NRK: variants seen among roughly 807,000 people sequenced by gnomAD.
NRK encodes nik-related protein kinase.
In NRK, 67 loss-of-function variants were observed where a neutral mutation model predicts 125.2. The observed-to-expected ratio is 0.54, with a 90% CI of 0.44 to 0.66. The LOEUF is 0.66. Among genes scored for constraint, NRK ranks in the 30% least tolerant of loss-of-function variants. The pLI is 0.00. For synonymous variants in NRK, 458 were observed against 429.0 expected (o/e 1.07, Z -0.84); for missense variants, 1,224 against 1,192.9 (o/e 1.03, Z -0.38).
At chrX:105,836,049 A>G (rs2039261256) in intron 2 of NRK, among the ~76,000 whole-genome samples, 1 of 112,100 alleles carries the variant, frequency 8.9e-6, no homozygotes, top group African/African-American at 3.2e-5. Context: ...TCTTCCCTCT[A>G]CAGCCACAGG....
intron 2 of NRK, among the ~76,000 whole-genome samples, chrX:105,864,481 T>G (rs1299871432): frequency 8.9e-6 from 1 of 111,756 alleles, no homozygotes; most frequent in African/African-American, 3.2e-5. Flanking sequence ...AGAAATCAGA[T>G]CTTTCCAGAA....
At chrX:105,837,656 C>T (rs1310621578) in intron 2 of NRK, among the ~76,000 whole-genome samples, 3 of 111,186 alleles carry the variant, frequency 2.7e-5, no homozygotes, top group Non-Finnish European at 5.7e-5. Context: ...ATTTTTCTCT[C>T]TTTTTAGGAG....
chrX:105,899,592 G>T (rs770631612), intron 8 of NRK, among the ~76,000 whole-genome samples: 1 of 111,869 alleles, frequency 8.9e-6, no homozygotes, highest in African/African-American at 3.3e-5. Context: ...ACTTTTTGCA[G>T]TCTTCCAAGG....
intron 2 of NRK, among the ~76,000 whole-genome samples, chrX:105,877,883 C>T (rs1404658577): frequency 9.0e-6 from 1 of 110,877 alleles, no homozygotes; most frequent in Non-Finnish European, 1.9e-5. Context: ...TGGTTGGAAT[C>T]TTTTAATGAC....
At chrX:105,918,455 C>T (rs894659351) in intron 16 of NRK, among the ~76,000 whole-genome samples, 1 of 111,169 alleles carries the variant, frequency 9.0e-6, no homozygotes, top group Middle Eastern at 4.7e-3. Flanking sequence ...AGATGTACTT[C>T]ACTTTTTGAA....
At chrX:105,830,519 G>A (rs2039176673) in intron 1 of NRK, among the ~76,000 whole-genome samples, 1 of 109,392 alleles carries the variant, frequency 9.1e-6, no homozygotes, top group African/African-American at 3.3e-5. Context: ...TCTTTTTTAT[G>A]AATGAGTATA....
chrX:105,877,117 T>A (rs1602631467), intron 2 of NRK, among the ~76,000 whole-genome samples: 1 of 111,973 alleles, frequency 8.9e-6, no homozygotes, highest in African/African-American at 3.2e-5. Context: ...TATGATGTGA[T>A]GAAAAGGGCA....
chrX:105,897,243 C>T (rs185520363), intron 7 of NRK, among the ~76,000 whole-genome samples: 1 of 112,398 alleles, frequency 8.9e-6, no homozygotes, highest in Non-Finnish European at 1.9e-5. Context: ...ATATTTTGCA[C>T]TTAATTCTTT....
Position 105,945,933 on chromosome X carries a change from G to A in NRK, c.4121G>A (p.Arg1374Gln), listed in dbSNP as rs2040806193. ...GDYMSYQAYI[R>Q]ILAKIQAADP... ...TACATGTCCTATCAAGCCTATATACGAATACTGGCAAAAATACAGGCAGCT... is the reference window on the plus strand; with the variant it reads ...TACATGTCCTATCAAGCCTATATACAAATACTGGCAAAAATACAGGCAGCT... Residue 1374 changes from arginine to glutamine, a missense_variant, in exon 25 of 29, where the codon CGA becomes CAA. By Grantham distance (43) the Arg-to-Gln change is conservative (BLOSUM62 1). Transcript: ENST00000243300. The A allele has an allele frequency of 5.0e-6, 6 of 1,205,700 alleles. No homozygotes were observed. The highest frequency in any genetic ancestry group is 3.0e-5 in the East Asian group (1 of 33,728).
At chrX:105,921,855 C>A (rs1249202380) in intron 16 of NRK, 109 bp from the exon 17 acceptor site, 13 of 339,003 alleles carry the variant, frequency 3.8e-5, no homozygotes, top group African/African-American at 3.1e-4. Context: ...TAAAAATGAC[C>A]AAGAAAAAAA....
At position 105,949,792 on chromosome X, in the gene NRK, A is replaced by AAGTGTCCT. The variant is rs1409388392; in HGVS notation, c.4513+60_4513+67dup. The AAGTGTCCT allele has an allele frequency of 3.9e-6, 3 of 775,147 alleles. No homozygotes were observed. The East Asian group carries it at 1.0e-4, about 27-fold the overall frequency. The allele number at this position is 775,147 out of a possible 1,213,427, so 63.9% of individuals were successfully genotyped here. On this transcript the variant is annotated intron_variant, in intron 27 of 28. Transcript: ENST00000243300. ...CCAGAGAAAATTTACAAGGGTAAAA[A>AAGTGTCCT]AGTGTCCTAAGAAAAGATTTCCTGA...
intron 16 of NRK, among the ~76,000 whole-genome samples, chrX:105,918,885 A>G (rs964090396): frequency 9.3e-6 from 1 of 108,011 alleles, no homozygotes; most frequent in African/African-American, 3.4e-5. Flanking sequence ...TATATGCTTC[A>G]TTATGGAGGA....
chrX:105,896,713 C>T (rs777744310), intron 7 of NRK, among the ~76,000 whole-genome samples: 9 of 110,486 alleles, frequency 8.1e-5, no homozygotes, highest in East Asian at 2.9e-4. Flanking sequence ...CATGGTGGTG[C>T]GCACCTGTGG....
At chrX:105,836,404 A>G (rs187309046) in intron 2 of NRK, among the ~76,000 whole-genome samples, 52 of 111,803 alleles carry the variant, frequency 4.7e-4, no homozygotes, top group African/African-American at 1.6e-3. Context: ...TCCAAGTACA[A>G]ACTTCCTTGT....
In NRK at chrX:105,845,923, G is replaced by GA. The variant is rs774196661; in HGVS notation, c.123+14811dup. On this transcript the variant is annotated intron_variant, in intron 2 of 28. Transcript: ENST00000243300. ...TCTCCTCATTGAGGGGCTGGGTCAA[G>GA]AAAAAAAGAAGAGTTTTCTCCTTGA... Among the ~76,000 whole-genome samples the GA allele has an allele frequency of 6.3e-5, 7 of 111,170 alleles. No individual in the cohort carries two copies. The East Asian group carries it at 2.0e-3, about 32-fold the overall frequency.
intron 2 of NRK, among the ~76,000 whole-genome samples, chrX:105,864,813 G>C (rs1449764272): frequency 9.0e-6 from 1 of 111,011 alleles, no homozygotes; most frequent in Non-Finnish European, 1.9e-5. Flanking sequence ...AGGCAAAAAG[G>C]ATTAATCAGA....
At chrX:105,902,198 A>C (rs2040167390) in intron 9 of NRK, among the ~76,000 whole-genome samples, 2 of 110,424 alleles carry the variant, frequency 1.8e-5, no homozygotes, top group South Asian at 7.8e-4. Flanking sequence ...GGAGTTTTGC[A>C]CAGATTACAC....
At chrX:105,869,268 G>A (rs141106960) in intron 2 of NRK, among the ~76,000 whole-genome samples, 1,739 of 111,504 alleles carry the variant, frequency 0.016, 34 homozygotes, top group African/African-American at 0.053. Flanking sequence ...TTTTGAGGGT[G>A]GCAGGGCCTG....
intron 28 of NRK, among the ~76,000 whole-genome samples, chrX:105,954,489 G>T (rs1438559900): frequency 9.1e-6 from 1 of 109,830 alleles, no homozygotes; most frequent in Non-Finnish European, 1.9e-5. Flanking sequence ...AACTATGATT[G>T]CTGCCTTTGT....
Sources: allele counts gnomAD v4.1 joint callset (sites outside exome capture counted in the v4.1 genomes callset), GRCh38; gene constraint gnomAD v4.1.1; transcripts MANE v1.5; gene names NCBI Gene and HGNC (gene_info 2026-07-23, HGNC 2026-07-21).